Variants in BMP6 observed in about 807,000 individuals in gnomAD.
The protein encoded by BMP6 is VG-1-R.
In BMP6, 17 loss-of-function variants were observed where a neutral mutation model predicts 54.1. The observed-to-expected ratio is 0.31, with a 90% CI of 0.22 to 0.47. BMP6 has a LOEUF of 0.47. Ranked by LOEUF, BMP6 falls within the 20% of genes least tolerant of loss-of-function variation. BMP6 has a pLI of 1.00. For synonymous variants in BMP6, 328 were observed against 291.2 expected, an observed-to-expected ratio of 1.13 and a Z score of -1.28; for missense variants, 720 against 690.4, an observed-to-expected ratio of 1.04 and a Z score of -0.48.
At chr6:7,845,782 G>A (rs1759052693) in intron 2 of BMP6, among the ~76,000 whole-genome samples, 1 of 152,134 alleles carries the variant, frequency 6.6e-6, no homozygotes, top group Middle Eastern at 3.4e-3. Context: ...GAGTAAGCTT[G>A]TGTGTGATGT....
At position 7,731,152 on chromosome 6, in the gene BMP6, C is replaced by G. The variant is rs150570688; in HGVS notation, c.664+3533C>G. On this transcript the variant is annotated intron_variant, in intron 1 of 6. Transcript: ENST00000283147. ...GTGTCACCTTCTAAATGCTAACCGTCTGCTGCCTGGGCTGCTGGTGTGCAG... is the reference window on the plus strand; with the variant it reads ...GTGTCACCTTCTAAATGCTAACCGTGTGCTGCCTGGGCTGCTGGTGTGCAG... Among the ~76,000 whole-genome samples, 851 of 152,336 alleles carry G rather than the reference C, an allele frequency of 5.6e-3. 4 individuals are homozygous for G. Among genetic ancestry groups the G allele is most frequent in the Admixed American group, 6.7e-3 (102 of 15,308 alleles).
At chr6:7,728,162 A>G (rs1368223199) in intron 1 of BMP6, among the ~76,000 whole-genome samples, 1 of 151,798 alleles carries the variant, frequency 6.6e-6, no homozygotes, top group African/African-American at 2.4e-5. Flanking sequence ...TATCCACGGC[A>G]CTAGGGGAGG....
At chr6:7,852,696 C>T (rs1381427952) in intron 2 of BMP6, among the ~76,000 whole-genome samples, 1 of 152,220 alleles carries the variant, frequency 6.6e-6, no homozygotes, top group Non-Finnish European at 1.5e-5. Flanking sequence ...CTCCTCAGCA[C>T]TGTGAGACTG....
chr6:7,844,716 G>T (rs1193822665), intron 1 of BMP6, among the ~76,000 whole-genome samples: 1 of 152,220 alleles, frequency 6.6e-6, no homozygotes, highest in Middle Eastern at 3.4e-3. Context: ...AAGAGTAGCC[G>T]GGAGGAGAGG....
intron 1 of BMP6, among the ~76,000 whole-genome samples, chr6:7,837,210 T>A (rs1472423307): frequency 1.3e-5 from 2 of 152,240 alleles, no homozygotes; most frequent in Non-Finnish European, 2.9e-5. Context: ...CCCTTTTTAT[T>A]TTATCTTTTG....
chr6:7,812,205 C>T (rs1758445805), intron 1 of BMP6, among the ~76,000 whole-genome samples: 1 of 152,134 alleles, frequency 6.6e-6, no homozygotes, highest in Non-Finnish European at 1.5e-5. Context: ...AATCCATCTG[C>T]GTGTTCTCAG....
chr6:7,734,755 T>A (rs1393028293), intron 1 of BMP6, among the ~76,000 whole-genome samples: 1 of 152,206 alleles, frequency 6.6e-6, no homozygotes, highest in Non-Finnish European at 1.5e-5. Flanking sequence ...TTAAGGAGAT[T>A]GGGACCATAA....
intron 2 of BMP6, among the ~76,000 whole-genome samples, chr6:7,851,102 T>A (rs1314981234): frequency 6.6e-6 from 1 of 152,224 alleles, no homozygotes; most frequent in Non-Finnish European, 1.5e-5. Flanking sequence ...TAATGGCCCT[T>A]CACATTCCCA....
At chr6:7,861,625 A>T in intron 3 of BMP6, 26 bp downstream of exon 3, 1 of 1,612,734 alleles carries the variant, frequency 6.2e-7, no homozygotes, top group Non-Finnish European at 8.5e-7. Context: ...CAAGCCTCCA[A>T]CGTCCAGCAA....
intron 1 of BMP6, among the ~76,000 whole-genome samples, chr6:7,831,829 G>A (rs919748055): frequency 6.6e-6 from 1 of 152,150 alleles, no homozygotes; most frequent in Admixed American, 6.5e-5. Flanking sequence ...TGGGGGTGGG[G>A]TCAGAAGCCT....
At chr6:7,811,452 A>C (rs1421729401) in intron 1 of BMP6, among the ~76,000 whole-genome samples, 3 of 152,148 alleles carry the variant, frequency 2.0e-5, no homozygotes, top group Admixed American at 2.0e-4. Flanking sequence ...GGTAGTTGCT[A>C]TGTCCGCCTT....
chr6:7,800,669 T>C (rs1248185253), intron 1 of BMP6, among the ~76,000 whole-genome samples: 5 of 152,314 alleles, frequency 3.3e-5, no homozygotes, highest in Admixed American at 6.5e-5. Context: ...ATTGATATAT[T>C]TACTTCTAGT....
rs535265300 is a variant in BMP6, at chr6:7,807,492, A to G, written c.665-37648A>G. On this transcript the variant is annotated intron_variant, in intron 1 of 6. Coordinates refer to ENST00000283147, the MANE Select transcript of BMP6 (RefSeq NM_001718.6). ...GACGGGGTTTCACCATGTTGGCCAG[A>G]CTGGTCTCGAACTCCTGACCTAGTG... is the stretch of plus-strand genomic sequence containing the variant. Among the ~76,000 whole-genome samples the G allele has an allele frequency of 1.3e-3, 197 of 152,066 alleles. 1 individual carries two copies. Among genetic ancestry groups the G allele is most frequent in the African/African-American group, 3.6e-3 (148 of 41,484 alleles).
At chr6:7,872,631 A>G (rs1280639925) in intron 4 of BMP6, among the ~76,000 whole-genome samples, 2 of 152,192 alleles carry the variant, frequency 1.3e-5, no homozygotes, top group Non-Finnish European at 2.9e-5. Context: ...CAGCAGGTTC[A>G]CAGAAACCCA....
chr6:7,788,472 C>T (rs185441798), intron 1 of BMP6, among the ~76,000 whole-genome samples: 75 of 152,256 alleles, frequency 4.9e-4, no homozygotes, highest in African/African-American at 1.7e-3. Context: ...TGTCTAGGCT[C>T]AACAACGGGG....
chr6:7,759,737 TC>T (rs1310935905), intron 1 of BMP6, among the ~76,000 whole-genome samples: 3 of 118,898 alleles, frequency 2.5e-5, no homozygotes, highest in African/African-American at 9.3e-5. Flanking sequence ...TGAATCTCAC[TC>T]TGTTGCCCAG....
chr6:7,820,471 C>T (rs1758589286), intron 1 of BMP6, among the ~76,000 whole-genome samples: 1 of 152,210 alleles, frequency 6.6e-6, no homozygotes, highest in African/African-American at 2.4e-5. Flanking sequence ...GCTCTTTTTG[C>T]TTCACGTGAC....
At chr6:7,848,628 CTCTT>C (rs1759101064) in intron 2 of BMP6, among the ~76,000 whole-genome samples, 1 of 152,188 alleles carries the variant, frequency 6.6e-6, no homozygotes, top group African/African-American at 2.4e-5. Flanking sequence ...GATTATTGAC[CTCTT>C]TCTTTGCTGT....
chr6:7,780,022 C>T (rs894115059), intron 1 of BMP6, among the ~76,000 whole-genome samples: 3 of 152,146 alleles, frequency 2.0e-5, no homozygotes, highest in Non-Finnish European at 4.4e-5. Flanking sequence ...ACTCCATGGG[C>T]TGTGTGGTTG....
Sources: gnomAD v4.1 joint callset for allele counts (sites outside exome capture counted in the v4.1 genomes callset) on GRCh38, gnomAD v4.1.1 for gene constraint, MANE v1.5 for transcripts, NCBI Gene and HGNC (gene_info 2026-07-23, HGNC 2026-07-21) for gene names.